EYA4: variants seen among roughly 807,000 people sequenced by gnomAD.
The protein encoded by EYA4 is EYA transcriptional coactivator and phosphatase 4, also known as protein phosphatase EYA4.
A neutral mutation model predicts 87.9 loss-of-function variants in EYA4; 31 were observed. That is an observed-to-expected ratio of 0.35 (90% confidence interval 0.27 to 0.48). The LOEUF is 0.48. Among genes scored for constraint, EYA4 ranks in the 20% least tolerant of loss-of-function variants. The probability of loss-of-function intolerance (pLI) is 0.99; values close to 1 mark genes in which losing one functional copy is unlikely to be tolerated. For missense variants in EYA4, 678 were observed against 761.4 expected (o/e 0.89, Z 1.29); for synonymous variants, 263 against 270.6 (o/e 0.97, Z 0.28).
At chr6:133,251,983 C>T (rs931248768) in intron 1 of EYA4, among the ~76,000 whole-genome samples, 13 of 152,126 alleles carry the variant, frequency 8.5e-5, no homozygotes, top group Non-Finnish European at 1.5e-4. Flanking sequence ...TTTACAGATA[C>T]GCTTCACACA....
At chr6:133,315,184 A>C (rs1780530548) in intron 2 of EYA4, among the ~76,000 whole-genome samples, 1 of 152,130 alleles carries the variant, frequency 6.6e-6, no homozygotes, top group Admixed American at 6.6e-5. Flanking sequence ...TTTTGAGGCC[A>C]CTAAATCACT....
rs749389761 is a variant in EYA4 at position 133,529,531 on chromosome 6, C to CAA, written c.*736_*737dup. On this transcript the variant is annotated 3_prime_UTR_variant, in exon 20 of 20. Coordinates refer to ENST00000355286, the MANE Select transcript of EYA4 (RefSeq NM_004100.5). ...AATCTCTGTAGATAATGAAAAAAAA[C>CAA]AAAAAAAAAAACCTTTGTGATGATT... 50 of 789,550 alleles carry CAA rather than the reference C, an allele frequency of 6.3e-5. No homozygotes were observed. The highest frequency in any genetic ancestry group is 7.4e-5 in the Non-Finnish European group (49 of 658,244). 48.9% of individuals were successfully genotyped at this position (789,550 alleles called of 1,614,324 possible).
intron 1 of EYA4, among the ~76,000 whole-genome samples, chr6:133,254,198 G>C (rs960669313): frequency 6.6e-6 from 1 of 152,098 alleles, no homozygotes; most frequent in African/African-American, 2.4e-5. Flanking sequence ...GAGGTTTATG[G>C]TCTTCATAAT....
chr6:133,403,220 G>A (rs1855989), intron 3 of EYA4, among the ~76,000 whole-genome samples: 11,500 of 152,042 alleles, frequency 0.076, 636 homozygotes, highest in East Asian at 0.22. Context: ...TGATTTTATT[G>A]CACCTGAAGG....
At chr6:133,399,479 G>T (rs1024616011) in intron 3 of EYA4, among the ~76,000 whole-genome samples, 1 of 152,026 alleles carries the variant, frequency 6.6e-6, no homozygotes, top group Admixed American at 6.6e-5. Flanking sequence ...GATACAAGCT[G>T]TTGAGAAAAA....
chr6:133,363,043 A>G (rs1784572234), intron 2 of EYA4: 1 of 152,278 alleles, frequency 6.6e-6, no homozygotes, highest in Non-Finnish European at 1.5e-5. Context: ...CATCCTGCCC[A>G]GTCCGATGAA....
chr6:133,285,396 G>A (rs956023398), intron 2 of EYA4, among the ~76,000 whole-genome samples: 1 of 152,156 alleles, frequency 6.6e-6, no homozygotes, highest in South Asian at 2.1e-4. Flanking sequence ...CCGTGAGGTG[G>A]TAGCATGCAG....
At position 133,462,207 on chromosome 6, in the gene EYA4, A is replaced by T. The variant is rs1326303496; in HGVS notation, c.438-128A>T. ...CATTCAGACTGTTGCTTTTTCCTAT[A>T]TTGTTAAAATTATATTGTGGATAAA... On this transcript the variant is annotated intron_variant, in intron 7 of 19. Transcript: ENST00000355286. 4.6e-5 allele frequency: 52 copies of T among 1,119,092 alleles called. No homozygotes were observed. The East Asian group carries it at 1.2e-3, about 26-fold the overall frequency. The allele number at this position is 1,119,092 out of a possible 1,614,324, so 69.3% of individuals were successfully genotyped here. A position where few individuals can be genotyped will look rare whatever the true frequency, so the allele number is the denominator to read the frequency against.
intron 2 of EYA4, among the ~76,000 whole-genome samples, chr6:133,301,775 A>C (rs902218807): frequency 7.2e-5 from 11 of 152,156 alleles, no homozygotes; most frequent in Non-Finnish European, 1.6e-4. Context: ...ATTTATTCTG[A>C]TGGTTTTCAT....
rs5880167 is a variant in EYA4 at position 133,244,627 on chromosome 6, T to TAA, written c.-66+2889_-66+2890dup. On this transcript the variant is annotated intron_variant, in intron 1 of 19. Transcript: ENST00000355286. ...TTTCTTTTAATAAGGCTCTTTGGGT[T>TAA]AAAAAAAAAAAAGGAAAAACAAGTA... Among the ~76,000 whole-genome samples, 959 of 145,564 alleles carry TAA rather than the reference T, an allele frequency of 6.6e-3. 9 individuals are homozygous for TAA. Among genetic ancestry groups the TAA allele is most frequent in the African/African-American group, 0.019 (747 of 39,834 alleles).
At chr6:133,469,016 G>A (rs752273981) in intron 11 of EYA4, among the ~76,000 whole-genome samples, 18 of 152,010 alleles carry the variant, frequency 1.2e-4, no homozygotes, top group Non-Finnish European at 1.9e-4. Flanking sequence ...TTGCAACAAA[G>A]TTGTAATATT....
At chr6:133,339,951 G>A (rs1430106806) in intron 2 of EYA4, among the ~76,000 whole-genome samples, 2 of 152,156 alleles carry the variant, frequency 1.3e-5, no homozygotes, top group Non-Finnish European at 2.9e-5. Flanking sequence ...TTACAGAGGT[G>A]CATAAAGTAG....
chr6:133,466,201 C>T (rs1199895647), intron 10 of EYA4, among the ~76,000 whole-genome samples: 1 of 151,926 alleles, frequency 6.6e-6, no homozygotes, highest in Non-Finnish European at 1.5e-5. Flanking sequence ...ATACACTAGG[C>T]AGAGTTGTAC....
At position 133,253,874 on chromosome 6, in the gene EYA4, CT is replaced by C. The variant is rs532437528; in HGVS notation, c.-66+12130del. 2.1e-4 allele frequency among the ~76,000 whole-genome samples: 32 copies of C among 152,190 alleles called. No homozygotes were observed. In the South Asian group the frequency reaches 6.0e-3, roughly 29 times the overall value. ...AACTCACAGAGGGGAGAGATCATAT[CT>C]TTTTCCCTCCGTAACCTCAACACCT... On this transcript the variant is annotated intron_variant, in intron 1 of 19. Transcript: ENST00000355286.
At chr6:133,319,049 G>A (rs998914871) in intron 2 of EYA4, among the ~76,000 whole-genome samples, 2 of 152,134 alleles carry the variant, frequency 1.3e-5, no homozygotes, top group East Asian at 1.9e-4. Context: ...TGTCTAGTAA[G>A]TCCTCATTCT....
intron 2 of EYA4, among the ~76,000 whole-genome samples, chr6:133,311,775 A>T (rs1209586447): frequency 1.3e-5 from 2 of 152,170 alleles, no homozygotes; most frequent in African/African-American, 4.8e-5. Context: ...ATTCATTATC[A>T]TTCAGGAATG....
intron 1 of EYA4, among the ~76,000 whole-genome samples, chr6:133,260,056 C>T (rs1775670720): frequency 6.6e-6 from 1 of 151,946 alleles, no homozygotes; most frequent in Admixed American, 6.6e-5. Context: ...TGGTTCTCTT[C>T]CAGGTTTGTG....
At chr6:133,479,296 C>T (rs551169447) in intron 11 of EYA4, among the ~76,000 whole-genome samples, 2 of 152,222 alleles carry the variant, frequency 1.3e-5, no homozygotes, top group East Asian at 3.9e-4. Context: ...CTATATTCAA[C>T]CCCATAACTT....
In EYA4 at chr6:133,265,966, C is replaced by A. The variant is rs182678084; in HGVS notation, c.-65-8750C>A. Among the ~76,000 whole-genome samples, 38 of 152,278 alleles carry A rather than the reference C, an allele frequency of 2.5e-4. No homozygotes were observed. The East Asian group carries it at 6.6e-3, about 26-fold the overall frequency. ...TCACTTCTTTCCTGACAATCAGTATCTTTAATTTAATTCTTACATATGCTT... is the reference window on the plus strand; with the variant it reads ...TCACTTCTTTCCTGACAATCAGTATATTTAATTTAATTCTTACATATGCTT... On this transcript the variant is annotated intron_variant, in intron 1 of 19. Transcript: ENST00000355286.
Sources: gnomAD v4.1 joint callset for allele counts (sites outside exome capture counted in the v4.1 genomes callset) on GRCh38, gnomAD v4.1.1 for gene constraint, MANE v1.5 for transcripts, NCBI Gene and HGNC (gene_info 2026-07-23, HGNC 2026-07-21) for gene names.